Variants in KCNK10 observed in about 807,000 individuals in gnomAD.
KCNK10 encodes the protein potassium two pore domain channel subfamily K member 10, also known as potassium channel subfamily K member 10.
KCNK10 carries 25 observed loss-of-function variants against 47.7 expected under a neutral mutation model. The observed-to-expected ratio is 0.52, with a 90% CI of 0.38 to 0.73. The LOEUF (loss-of-function observed/expected upper bound fraction) is 0.73, where lower values mean the gene tolerates loss of function less well. Ranked by LOEUF, KCNK10 falls within the 30% of genes least tolerant of loss-of-function variation. The probability of loss-of-function intolerance (pLI) is 0.00; values close to 1 mark genes in which losing one functional copy is unlikely to be tolerated. For synonymous variants in KCNK10, 303 were observed against 285.6 expected (o/e 1.06, Z -0.61); for missense variants, 563 against 714.5 (o/e 0.79, Z 2.42).
intron 3 of KCNK10, among the ~76,000 whole-genome samples, chr14:88,236,438 CT>C (rs1308532871): frequency 6.6e-6 from 1 of 152,206 alleles, no homozygotes; most frequent in Non-Finnish European, 1.5e-5. Flanking sequence ...TATTGCTCCC[CT>C]GAGCCATTCT....
At chr14:88,239,822 G>A (rs1482685708) in intron 3 of KCNK10, among the ~76,000 whole-genome samples, 1 of 151,640 alleles carries the variant, frequency 6.6e-6, no homozygotes, top group Non-Finnish European at 1.5e-5. Context: ...TTGCACCACT[G>A]CACTCCAGCC....
Position 88,323,242 on chromosome 14 carries a change from C to G in KCNK10, c.-444G>C. On this transcript the variant is annotated 5_prime_UTR_variant, in exon 1 of 7. Transcript: ENST00000319231. ...CGCACACACTCCCGCACACACACAC[C>G]CGCACACACACTCCCGGGCGCGCGC... 3 of 990,916 alleles carry G rather than the reference C, an allele frequency of 3.0e-6. No homozygotes were observed. Among genetic ancestry groups the G allele is most frequent in the Non-Finnish European group, 3.6e-6 (3 of 833,554 alleles). 61.4% of individuals were successfully genotyped at this position (990,916 alleles called of 1,614,324 possible).
intron 4 of KCNK10, among the ~76,000 whole-genome samples, chr14:88,209,752 T>A (rs931837935): frequency 1.3e-5 from 2 of 152,144 alleles, no homozygotes; most frequent in Non-Finnish European, 2.9e-5. Flanking sequence ...TCAGCAAGCA[T>A]CTCTTCATTT....
At chr14:88,205,987 C>A (rs1885262103) in intron 4 of KCNK10, among the ~76,000 whole-genome samples, 1 of 152,060 alleles carries the variant, frequency 6.6e-6, no homozygotes, top group Non-Finnish European at 1.5e-5. Context: ...ATTTGGAATT[C>A]TAGTAAAGGT....
At chr14:88,305,918 G>T (rs1422690691) in intron 1 of KCNK10, among the ~76,000 whole-genome samples, 1 of 152,198 alleles carries the variant, frequency 6.6e-6, no homozygotes, top group Non-Finnish European at 1.5e-5. Flanking sequence ...GGGAATTGGG[G>T]TGTTTACGCA....
chr14:88,253,772 C>T (rs1019400768), intron 2 of KCNK10, among the ~76,000 whole-genome samples: 2 of 152,076 alleles, frequency 1.3e-5, no homozygotes, highest in African/African-American at 4.8e-5. Context: ...GGTGAAGTAG[C>T]CTGTAATCCC....
intron 1 of KCNK10, among the ~76,000 whole-genome samples, chr14:88,271,569 T>A (rs1187276579): frequency 6.6e-6 from 1 of 152,196 alleles, no homozygotes; most frequent in Non-Finnish European, 1.5e-5. Flanking sequence ...TGTTCCTTCA[T>A]GAAGAGCTAC....
chr14:88,295,103 C>T (rs1428169656), intron 1 of KCNK10, among the ~76,000 whole-genome samples: 2 of 152,136 alleles, frequency 1.3e-5, no homozygotes, highest in African/African-American at 2.4e-5. Context: ...CAAGTACAGC[C>T]GTGACAAGGG....
chr14:88,231,696 C>G (rs1316674646), intron 3 of KCNK10, among the ~76,000 whole-genome samples: 1 of 152,168 alleles, frequency 6.6e-6, no homozygotes. Context: ...GAGAAAGGGA[C>G]TAGGGTGCAG....
chr14:88,229,764 C>T (rs1886103692), intron 3 of KCNK10, among the ~76,000 whole-genome samples: 1 of 152,124 alleles, frequency 6.6e-6, no homozygotes, highest in Admixed American at 6.5e-5. Flanking sequence ...GTTTGACCCT[C>T]AACACTGTCA....
intron 1 of KCNK10, among the ~76,000 whole-genome samples, chr14:88,299,691 T>A (rs1467326054): frequency 6.6e-6 from 1 of 152,202 alleles, no homozygotes; most frequent in Non-Finnish European, 1.5e-5. Flanking sequence ...TACCTATGAT[T>A]TCATAGGTAC....
At chr14:88,204,007 C>T (rs189335223) in intron 4 of KCNK10, among the ~76,000 whole-genome samples, 15 of 152,258 alleles carry the variant, frequency 9.9e-5, no homozygotes, top group Non-Finnish European at 1.8e-4. Flanking sequence ...CGATTATCAA[C>T]GTGTTAGTGG....
intron 1 of KCNK10, among the ~76,000 whole-genome samples, chr14:88,264,011 A>G (rs1373700993): frequency 1.3e-5 from 2 of 152,246 alleles, no homozygotes; most frequent in African/African-American, 4.8e-5. Flanking sequence ...TACCAACAGC[A>G]GAGAAGAGAT....
intron 1 of KCNK10, among the ~76,000 whole-genome samples, chr14:88,295,682 AATTT>A (rs980163291): frequency 1.3e-5 from 2 of 151,912 alleles, no homozygotes; most frequent in African/African-American, 4.8e-5. Context: ...TTAATTAACT[AATTT>A]ATTTATTTAT....
intron 1 of KCNK10, among the ~76,000 whole-genome samples, chr14:88,274,631 C>T (rs955835645): frequency 5.4e-5 from 8 of 148,520 alleles, no homozygotes; most frequent in Non-Finnish European, 8.9e-5. Context: ...GAAATCTGTT[C>T]GCTGTGTCCC....
chr14:88,201,290 T>C (rs1566682998), intron 4 of KCNK10, among the ~76,000 whole-genome samples: 1 of 152,226 alleles, frequency 6.6e-6, no homozygotes. Context: ...CATTTCCTTA[T>C]TCATCTATCA....
chr14:88,244,531 T>C lies in KCNK10; in HGVS notation c.403-3711A>G, dbSNP rs531443040. Among the ~76,000 whole-genome samples, 65 of 151,826 alleles carry C rather than the reference T, an allele frequency of 4.3e-4. 2 individuals are homozygous for C. In the South Asian group the frequency reaches 0.012, roughly 29 times the overall value. On this transcript the variant is annotated intron_variant, in intron 2 of 6. Transcript: ENST00000319231. Reference sequence around the variant, plus strand: ...AAAATACAAAAATATTAGCCAGGCGTGGTGGCGGGCGCTGTAGTCCCAGCT... The same window carrying C: ...AAAATACAAAAATATTAGCCAGGCGCGGTGGCGGGCGCTGTAGTCCCAGCT...
chr14:88,248,301 G>C (rs1246131332), intron 2 of KCNK10, among the ~76,000 whole-genome samples: 2 of 152,148 alleles, frequency 1.3e-5, no homozygotes, highest in African/African-American at 4.8e-5. Context: ...GCATTGAACA[G>C]AGCCTGAAAT....
At chr14:88,227,352 T>A (rs898301273) in intron 4 of KCNK10, 23 bp downstream of exon 4, 20 of 1,575,250 alleles carry the variant, frequency 1.3e-5, no homozygotes, top group Non-Finnish European at 1.6e-5. Flanking sequence ...GTGGTTAGAA[T>A]TTAAATATGA....
Sources: allele counts gnomAD v4.1 joint callset (sites outside exome capture counted in the v4.1 genomes callset), GRCh38; gene constraint gnomAD v4.1.1; transcripts MANE v1.5; gene names NCBI Gene and HGNC (gene_info 2026-07-23, HGNC 2026-07-21).